Variants in BCAR1 observed in about 807,000 individuals in gnomAD.
BCAR1 encodes the protein BCAR1 scaffold protein, Cas family member.
A neutral mutation model predicts 67.6 loss-of-function variants in BCAR1; 30 were observed. The ratio of observed to expected loss-of-function variants is 0.44; its 90% confidence interval spans 0.33 to 0.60. The LOEUF is 0.60. Ranked by LOEUF, BCAR1 falls within the 20% of genes least tolerant of loss-of-function variation. BCAR1 has a pLI of 0.02. For missense variants in BCAR1, 1,313 were observed against 1,222.3 expected, an observed-to-expected ratio of 1.07 and a Z score of -1.11; for synonymous variants, 626 against 556.7, an observed-to-expected ratio of 1.12 and a Z score of -1.75.
upstream of BCAR1, chr16:75,252,104 T>C (rs1381477372): frequency 2.8e-5 from 36 of 1,267,840 alleles, no homozygotes; most frequent in Middle Eastern, 1.9e-4. Context: ...CCCCAGCCTG[T>C]AGGAGACGAA....
In BCAR1 at chr16:75,238,791, G is replaced by A. The variant is rs972539133; in HGVS notation, c.634-1447C>T. ...TCCTCCAGAACTATTTTTAGATGCA[G>A]GGACCTGCCAACAGCGGGGCAGGCG... is the stretch of plus-strand genomic sequence containing the variant. On this transcript the variant is annotated intron_variant, in intron 2 of 6. Coordinates refer to ENST00000162330, the MANE Select transcript of BCAR1 (RefSeq NM_014567.5). 3 of 985,418 alleles carry A rather than the reference G, an allele frequency of 3.0e-6. No homozygotes were observed. The African/African-American group carries it at 5.2e-5, about 17-fold the overall frequency. 61.0% of individuals were successfully genotyped at this position (985,418 alleles called of 1,614,324 possible). A position where few individuals can be genotyped will look rare whatever the true frequency, so the allele number is the denominator to read the frequency against.
rs576710073 is a variant in BCAR1 at position 75,235,750 on chromosome 16, C to T, written c.1149G>A (p.Pro383=). 61 of 1,593,314 alleles carry T rather than the reference C, an allele frequency of 3.8e-5. No individual in the cohort carries two copies. The African/African-American group carries it at 4.8e-4, about 13-fold the overall frequency. The change falls in exon 5 of 7, where the codon CCG becomes CCA. Residue 383 remains proline (P), a synonymous_variant. Coordinates refer to ENST00000162330, the MANE Select transcript of BCAR1 (RefSeq NM_014567.5). ...CACGGGGCACATCGTACAGGGTGCCCGGGCCAGGCCGCCGCAAGCCAGGGG... is the reference window on the plus strand; with the variant it reads ...CACGGGGCACATCGTACAGGGTGCCTGGGCCAGGCCGCCGCAAGCCAGGGG... ...DVPPGLRRPG[P]GTLYDVPRER...
intron 2 of BCAR1, 100 bp downstream of exon 2, chr16:75,242,370 G>A (rs1357167336): frequency 7.6e-7 from 1 of 1,317,398 alleles, no homozygotes; most frequent in African/African-American, 1.5e-5. Context: ...AGCCACTCCT[G>A]GAATGCCGGT....
chr16:75,267,394 C>CGG lies in BCAR1; in HGVS notation c.66+519_66+520dup, dbSNP rs66513768. ...GGGGCCAAGCAGGGCCACAGCAAGC[C>CGG]GGGGGGGGGGTGGGGGGCCTGGACC... On this transcript the variant is annotated intron_variant, in intron 1 of 6. Coordinates refer to the BCAR1 transcript ENST00000393422. Among the ~76,000 whole-genome samples the CGG allele has an allele frequency of 1.3e-3, 159 of 124,796 alleles. 1 individual carries two copies. Among genetic ancestry groups the CGG allele is most frequent in the South Asian group, 2.6e-3 (11 of 4,266 alleles). The allele number at this position is 124,796 out of a possible 152,430, so 81.9% of individuals were successfully genotyped here.
intron 1 of BCAR1, chr16:75,264,674 C>T (rs2077967507): frequency 4.0e-6 from 5 of 1,247,756 alleles, no homozygotes; most frequent in Non-Finnish European, 3.0e-6. Flanking sequence ...ATGCTTTGCA[C>T]TTGGCCAGCT....
At position 75,236,980 on chromosome 16, in the gene BCAR1, T is replaced by A. The variant is rs1298164224; in HGVS notation, c.814A>T (p.Met272Leu). ...YGQEVYDTPP[M>L]AVKGPNGRDP... is the part of the protein sequence containing the mutation. Reference sequence around the variant, plus strand: ...CGGCCATTGGGACCCTTGACAGCCATGGGGGGTGTGTCATACACCTGGGGC... The same window carrying A: ...CGGCCATTGGGACCCTTGACAGCCAAGGGGGGTGTGTCATACACCTGGGGC... The change falls in exon 4 of 7, where the codon ATG becomes TTG. Residue 272 changes from methionine (M) to leucine (L), a missense_variant. By Grantham distance (15) the Met-to-Leu change is conservative. Coordinates refer to ENST00000162330, the MANE Select transcript of BCAR1 (RefSeq NM_014567.5). 6.2e-7 allele frequency: 1 copy of A among 1,605,800 alleles called. No homozygotes were observed. Among genetic ancestry groups the A allele is most frequent in the Admixed American group, 1.7e-5 (1 of 59,582 alleles).
intron 1 of BCAR1, chr16:75,248,390 T>G (rs904389157): frequency 1.6e-6 from 2 of 1,212,768 alleles, no homozygotes; most frequent in African/African-American, 3.1e-5. Context: ...GCATTCTATT[T>G]GCTTGTCCCA....
Position 75,234,927 on chromosome 16 carries a change from C to G in BCAR1, c.1972G>C (p.Gly658Arg), listed in dbSNP as rs201830527. 75 of 1,558,144 alleles carry G rather than the reference C, an allele frequency of 4.8e-5. No individual in the cohort carries two copies. Among genetic ancestry groups the G allele is most frequent in the Middle Eastern group, 3.4e-4 (2 of 5,798 alleles). The change falls in exon 5 of 7, where the codon GGG becomes CGG. Residue 658 changes from glycine to arginine, a missense_variant. Gly to Arg is a moderately radical substitution (Grantham distance 125). Coordinates refer to ENST00000162330, the MANE Select transcript of BCAR1 (RefSeq NM_014567.5). ...SPDGQYENSE[G>R]GWMEDYDYVH... ...TAGTCATAGTCCTCCATCCAGCCCC[C>G]CTCGCTGTTCTCGTACTGCCCATCT...
chr16:75,236,737 T>A, intron 4 of BCAR1, 145 bp downstream of exon 4: 1 of 1,354,028 alleles, frequency 7.4e-7, no homozygotes, highest in East Asian at 2.8e-5. Flanking sequence ...TCCTCATCTG[T>A]CAACCATCCA....
chr16:75,266,491 C>T (rs1002685757), intron 1 of BCAR1: 3 of 361,710 alleles, frequency 8.3e-6, no homozygotes, highest in East Asian at 8.2e-5. Flanking sequence ...CTCAGCCCAC[C>T]GTCCTCCCAG....
chr16:75,264,351 C>G, intron 1 of BCAR1: 1 of 1,520,022 alleles, frequency 6.6e-7, no homozygotes, highest in Non-Finnish European at 8.8e-7. Flanking sequence ...CCTGGGATAC[C>G]GGCCCTCCAG....
chr16:75,258,170 T>C (rs2077823937), intron 1 of BCAR1, among the ~76,000 whole-genome samples: 2 of 152,194 alleles, frequency 1.3e-5, no homozygotes, highest in Admixed American at 1.3e-4. Context: ...GCCTACCCCA[T>C]GTGCTAAGCC....
Position 75,237,163 on chromosome 16 carries a change from G to T in BCAR1, c.795+20C>A, listed in dbSNP as rs778546191. 1 of 1,534,726 alleles carries T rather than the reference G, an allele frequency of 6.5e-7. No homozygotes were observed. Among genetic ancestry groups the T allele is most frequent in the Non-Finnish European group, 8.7e-7 (1 of 1,146,604 alleles). ...AGACTTGCCGCCCTGCCCTCCCACC[G>T]CTGCGCACCCCACACCTACCTCCTG... On this transcript the variant is annotated intron_variant, in intron 3 of 6. Coordinates refer to ENST00000162330, the MANE Select transcript of BCAR1 (RefSeq NM_014567.5).
chr16:75,243,303 C>T (rs939059843), intron 1 of BCAR1, among the ~76,000 whole-genome samples: 3 of 152,126 alleles, frequency 2.0e-5, no homozygotes, highest in Non-Finnish European at 4.4e-5. Flanking sequence ...CTTTCAACTG[C>T]ACCTGTATAG....
intron 1 of BCAR1, chr16:75,248,774 T>C (rs2151455995): frequency 6.5e-6 from 1 of 153,064 alleles, no homozygotes; most frequent in East Asian, 1.9e-4. Flanking sequence ...GCGTGAATCG[T>C]CGGAGAGGAT....
At position 75,235,470 on chromosome 16, in the gene BCAR1, G is replaced by T. The variant is rs1456934131; in HGVS notation, c.1429C>A (p.Leu477Ile). Reference sequence around the variant, plus strand: ...CCGGCGCTGCCTGCCAGGTCCAGAAGGTGGGCAACGGTGGCGCTCACACCC... The same window carrying T: ...CCGGCGCTGCCTGCCAGGTCCAGAATGTGGGCAACGGTGGCGCTCACACCC... ...QQGVSATVAH[L>I]LDLAGSAGAT... The change falls in exon 5 of 7, where the codon CTT becomes ATT. Residue 477 changes from leucine to isoleucine, a missense_variant. By Grantham distance (5) the Leu-to-Ile change is conservative (BLOSUM62 2). Around this residue, in one of 2 missense-constraint regions of BCAR1, gnomAD observed 1,272 missense variants for 1,137.5 expected, o/e 1.12. Coordinates refer to ENST00000162330, the MANE Select transcript of BCAR1 (RefSeq NM_014567.5). 1 of 1,604,364 alleles carries T rather than the reference G, an allele frequency of 6.2e-7. No individual in the cohort carries two copies. Among genetic ancestry groups the T allele is most frequent in the Admixed American group, 1.7e-5 (1 of 58,776 alleles).
At chr16:75,236,827 C>T (rs776435282) in intron 4 of BCAR1, 55 bp downstream of exon 4, 30 of 1,588,800 alleles carry the variant, frequency 1.9e-5, no homozygotes, top group African/African-American at 4.0e-5. Flanking sequence ...TGTGCACACA[C>T]CCAGACACCC....
chr16:75,248,261 C>A (rs905471934), intron 1 of BCAR1: 2 of 1,468,868 alleles, frequency 1.4e-6, no homozygotes, highest in African/African-American at 2.8e-5. Context: ...CTGTCCACGC[C>A]CCCAACGCAC....
At chr16:75,250,562 AAGG>A (rs2077648653) in intron 1 of BCAR1, 1 of 876,788 alleles carries the variant, frequency 1.1e-6, no homozygotes. Context: ...TGTGGTAGAA[AAGG>A]AGCTGCTGTC....
Sources: allele counts gnomAD v4.1 joint callset (sites outside exome capture counted in the v4.1 genomes callset), GRCh38; gene constraint gnomAD v4.1.1; regional missense constraint gnomAD v4.1.1; transcripts MANE v1.5; gene names NCBI Gene and HGNC (gene_info 2026-07-23, HGNC 2026-07-21).